The following TMEM132D variants were observed in gnomAD, a reference collection of about 807,000 sequenced individuals.
The protein encoded by TMEM132D is transmembrane protein 132D, also known as mature OL transmembrane protein.
A neutral mutation model predicts 62.3 loss-of-function variants in TMEM132D; 21 were observed. The observed-to-expected ratio is 0.34, with a 90% CI of 0.24 to 0.49. TMEM132D has a LOEUF of 0.49. TMEM132D is among the 20% of genes least tolerant of loss of function. The pLI, the probability that TMEM132D is intolerant of heterozygous loss-of-function variation, is 0.99. For synonymous variants in TMEM132D, 621 were observed against 575.6 expected, an observed-to-expected ratio of 1.08 and a Z score of -1.13; for missense variants, 1,346 against 1,402.8, an observed-to-expected ratio of 0.96 and a Z score of 0.65.
chr12:129,164,575 T>C (rs950705947), intron 5 of TMEM132D, among the ~76,000 whole-genome samples: 1 of 152,224 alleles, frequency 6.6e-6, no homozygotes, highest in East Asian at 1.9e-4. Context: ...TGACTCATAG[T>C]TCAGCACGAG....
At chr12:129,312,612 C>T (rs1370457383) in intron 4 of TMEM132D, among the ~76,000 whole-genome samples, 1 of 152,134 alleles carries the variant, frequency 6.6e-6, no homozygotes, top group African/African-American at 2.4e-5. Flanking sequence ...CGCTTTCGCC[C>T]AGGCTGGAGT....
At position 129,700,037 on chromosome 12, in the gene TMEM132D, G is replaced by A. The variant is rs1881341887; in HGVS notation, c.741C>T (p.Ser247=). The A allele has an allele frequency of 6.2e-7, 1 of 1,613,800 alleles. No individual in the cohort carries two copies. The change falls in exon 2 of 9, where the codon AGC becomes AGT. Residue 247 remains serine, a synonymous_variant. Coordinates refer to ENST00000422113, the MANE Select transcript of TMEM132D (RefSeq NM_133448.3). ...CACTGTGGCCTGTCCGGATCCCATT[G>A]CTTCTCCTCGCGTCTTCCCTGACGC... ...GDCVREDARR[S]NGIRTGHSDI...
chr12:129,732,176 T>A (rs1392971490), intron 1 of TMEM132D, among the ~76,000 whole-genome samples: 1 of 152,120 alleles, frequency 6.6e-6, no homozygotes, highest in African/African-American at 2.4e-5. Context: ...CTTCCTCAGA[T>A]CGCATGGGGA....
intron 2 of TMEM132D, among the ~76,000 whole-genome samples, chr12:129,618,058 G>A (rs1335802469): frequency 1.3e-5 from 2 of 152,188 alleles, no homozygotes; most frequent in East Asian, 1.9e-4. Context: ...CAGCTAGTGG[G>A]CAGTGTTATG....
At position 129,645,163 on chromosome 12, in the gene TMEM132D, G is replaced by C. The variant is rs559139308; in HGVS notation, c.968+54647C>G. 1.2e-4 allele frequency among the ~76,000 whole-genome samples: 18 copies of C among 152,196 alleles called. 1 individual carries two copies. The South Asian group carries it at 3.5e-3, about 30-fold the overall frequency. ...CTTTCCATCCCTTTCCTGGATCCAG[G>C]AGAGATTGAGAGTCCGATACCTCTG... On this transcript the variant is annotated intron_variant, in intron 2 of 8. Transcript: ENST00000422113.
chr12:129,525,221 A>C (rs1294027433), intron 3 of TMEM132D, among the ~76,000 whole-genome samples: 1 of 112,102 alleles, frequency 8.9e-6, no homozygotes, highest in South Asian at 3.2e-4. Flanking sequence ...CACGGTGCCC[A>C]GCCGGTTTTT....
At position 129,418,034 on chromosome 12, in the gene TMEM132D, A is replaced by G. The variant is rs138563255; in HGVS notation, c.1116-80217T>C. ...CATGCCAGTTAGAAAGGCGATCATT[A>G]AAAGTCAAGAAACAACAGATGCTGG... On this transcript the variant is annotated intron_variant, in intron 3 of 8. Transcript: ENST00000422113. 6.6e-3 allele frequency among the ~76,000 whole-genome samples: 1,001 copies of G among 152,340 alleles called. 8 individuals carry two copies. The highest frequency in any genetic ancestry group is 0.023 in the African/African-American group (947 of 41,586).
chr12:129,545,051 A>G (rs1876693785), intron 2 of TMEM132D, among the ~76,000 whole-genome samples: 1 of 152,226 alleles, frequency 6.6e-6, no homozygotes, highest in South Asian at 2.1e-4. Context: ...CTGGCCTCCG[A>G]CAATGATCAG....
chr12:129,704,862 T>G (rs561193835), intron 1 of TMEM132D, among the ~76,000 whole-genome samples: 1 of 152,306 alleles, frequency 6.6e-6, no homozygotes, highest in South Asian at 2.1e-4. Context: ...GTATTTACCA[T>G]AGAATATTGA....
chr12:129,230,733 C>T (rs1879615295), intron 4 of TMEM132D, among the ~76,000 whole-genome samples: 2 of 152,192 alleles, frequency 1.3e-5, no homozygotes, highest in South Asian at 4.1e-4. Flanking sequence ...CTGATGTCTC[C>T]ACTGGGTGTC....
chr12:129,793,862 C>G (rs916813243), intron 1 of TMEM132D, among the ~76,000 whole-genome samples: 2 of 152,150 alleles, frequency 1.3e-5, no homozygotes, highest in Admixed American at 1.3e-4. Context: ...AAAAATGCCA[C>G]AGGCCTGAAA....
At chr12:129,130,023 G>GTGTC (rs63233160) in intron 5 of TMEM132D, among the ~76,000 whole-genome samples, 2 of 150,432 alleles carry the variant, frequency 1.3e-5, no homozygotes, top group East Asian at 1.9e-4. Context: ...CTCTGTGTGT[G>GTGTC]TGTGTGTGTG....
At chr12:129,752,603 G>T (rs139124848) in intron 1 of TMEM132D, among the ~76,000 whole-genome samples, 20 of 152,172 alleles carry the variant, frequency 1.3e-4, no homozygotes, top group Admixed American at 1.2e-3. Flanking sequence ...CTGTCTAGCC[G>T]CATGCAAGAG....
chr12:129,821,037 T>C (rs1371630150), intron 1 of TMEM132D, among the ~76,000 whole-genome samples: 2 of 152,170 alleles, frequency 1.3e-5, no homozygotes. Flanking sequence ...CCTCCTCCTT[T>C]CTCCTATATA....
chr12:129,824,123 A>C (rs1872600668), intron 1 of TMEM132D, among the ~76,000 whole-genome samples: 1 of 152,162 alleles, frequency 6.6e-6, no homozygotes, highest in Non-Finnish European at 1.5e-5. Flanking sequence ...GCTGCGCAAG[A>C]ATTCGAACCC....
At chr12:129,134,343 T>C (rs983577194) in intron 5 of TMEM132D, among the ~76,000 whole-genome samples, 31 of 152,132 alleles carry the variant, frequency 2.0e-4, no homozygotes, top group African/African-American at 7.5e-4. Context: ...GATATGTTTG[T>C]TTTCTTTAAG....
rs558566610 is a variant in TMEM132D, at chr12:129,227,154, C to T, written c.1300-17491G>A. 9.2e-5 allele frequency among the ~76,000 whole-genome samples: 14 copies of T among 151,940 alleles called. No homozygotes were observed. The East Asian group carries it at 1.2e-3, about 13-fold the overall frequency. On this transcript the variant is annotated intron_variant, in intron 4 of 8. Coordinates refer to ENST00000422113, the MANE Select transcript of TMEM132D (RefSeq NM_133448.3). The stretch of plus-strand genomic sequence containing the variant: ...AAATTTAGTAAGCTGCTAAACCCAT[C>T]GACCACACGTACCTGACATCCTCAA...
chr12:129,713,246 T>TG (rs1868445581), intron 1 of TMEM132D, among the ~76,000 whole-genome samples: 1 of 152,160 alleles, frequency 6.6e-6, no homozygotes, highest in African/African-American at 2.4e-5. Flanking sequence ...GTCTGATATG[T>TG]GCTCAAGTGT....
At chr12:129,486,361 T>C (rs1030001936) in intron 3 of TMEM132D, among the ~76,000 whole-genome samples, 24 of 152,092 alleles carry the variant, frequency 1.6e-4, no homozygotes, top group African/African-American at 5.6e-4. Flanking sequence ...TCTGGGTGAA[T>C]CCAAACCAAG....
Sources: allele counts gnomAD v4.1 joint callset (sites outside exome capture counted in the v4.1 genomes callset), GRCh38; gene constraint gnomAD v4.1.1; transcripts MANE v1.5; gene names NCBI Gene and HGNC (gene_info 2026-07-23, HGNC 2026-07-21).